PDE11A: variants seen among roughly 807,000 people sequenced by gnomAD.
The protein encoded by PDE11A is phosphodiesterase 11A.
Under a neutral mutation model 100.5 loss-of-function variants are expected in PDE11A, and 100 were observed. The observed-to-expected ratio is 1.00, with a 90% CI of 0.85 to 1.18. PDE11A has a LOEUF of 1.18. PDE11A is among the 50% of genes most tolerant of loss of function. PDE11A has a pLI of 0.00. For missense variants in PDE11A, 1,141 were observed against 1,152.6 expected (o/e 0.99, Z 0.15); for synonymous variants, 381 against 420.8 (o/e 0.91, Z 1.16).
At chr2:177,656,226 T>C (rs1170349875) in intron 19 of PDE11A, among the ~76,000 whole-genome samples, 1 of 152,208 alleles carries the variant, frequency 6.6e-6, no homozygotes, top group Non-Finnish European at 1.5e-5. Context: ...CCCCATAAGA[T>C]TATAATATCA....
chr2:177,665,856 C>CAAAAAAAA (rs3056853), intron 18 of PDE11A, among the ~76,000 whole-genome samples: 1 of 137,308 alleles, frequency 7.3e-6, no homozygotes, highest in African/African-American at 2.7e-5. Context: ...GACTCCATCT[C>CAAAAAAAA]AAAAAAAAAA....
intron 2 of PDE11A, among the ~76,000 whole-genome samples, chr2:177,911,530 C>T (rs1011554765): frequency 1.6e-4 from 25 of 152,062 alleles, no homozygotes; most frequent in African/African-American, 4.8e-4. Context: ...ACCAGTGTTC[C>T]GCCCTTTTCA....
chr2:177,947,357 G>A (rs188698371), intron 2 of PDE11A, among the ~76,000 whole-genome samples: 6 of 150,756 alleles, frequency 4.0e-5, no homozygotes, highest in African/African-American at 1.5e-4. Context: ...TTGAGAAATC[G>A]GATGGTTGCC....
chr2:177,802,267 C>T (rs1275870309), intron 9 of PDE11A, among the ~76,000 whole-genome samples: 2 of 152,004 alleles, frequency 1.3e-5, no homozygotes, highest in East Asian at 1.9e-4. Flanking sequence ...TAGAAATGTA[C>T]AATGGTATAG....
At chr2:178,006,825 G>GA (rs955912304) in intron 2 of PDE11A, among the ~76,000 whole-genome samples, 1 of 2,348 alleles carries the variant, frequency 4.3e-4, no homozygotes, top group Non-Finnish European at 8.2e-3. Context: ...TCAAAACAAG[G>GA]GGGGGGGGGG....
intron 4 of PDE11A, among the ~76,000 whole-genome samples, chr2:177,880,884 G>A (rs930506599): frequency 2.4e-4 from 37 of 152,136 alleles, no homozygotes; most frequent in African/African-American, 8.9e-4. Flanking sequence ...AATAAATAAG[G>A]TCTCTAACCT....
chr2:177,815,333 G>T (rs966348222), intron 9 of PDE11A, among the ~76,000 whole-genome samples: 2 of 152,064 alleles, frequency 1.3e-5, no homozygotes, highest in African/African-American at 4.8e-5. Flanking sequence ...CACAATTGAG[G>T]TAAGTGACAG....
At chr2:177,651,586 C>A (rs2080309660) in intron 19 of PDE11A, among the ~76,000 whole-genome samples, 1 of 151,950 alleles carries the variant, frequency 6.6e-6, no homozygotes, top group South Asian at 2.1e-4. Flanking sequence ...TAGAAAAACA[C>A]TCAGCCCTTA....
At chr2:177,814,610 C>T (rs1343691136) in intron 9 of PDE11A, among the ~76,000 whole-genome samples, 6 of 152,142 alleles carry the variant, frequency 3.9e-5, no homozygotes, top group Non-Finnish European at 7.3e-5. Flanking sequence ...GAAGTCAATG[C>T]CTATAAGTCA....
chr2:177,764,908 T>C (rs1385234896), intron 10 of PDE11A, among the ~76,000 whole-genome samples: 13 of 152,264 alleles, frequency 8.5e-5, no homozygotes, highest in Non-Finnish European at 1.9e-4. Context: ...TTCTGTGATC[T>C]TTTTGTGTAT....
At chr2:178,014,515 G>C in intron 1 of PDE11A, 55 bp from the exon 2 acceptor site, 1 of 1,417,420 alleles carries the variant, frequency 7.1e-7, no homozygotes, top group Non-Finnish European at 9.9e-7. Context: ...TCAGGGAGAA[G>C]GAGAGAGAGG....
intron 6 of PDE11A, among the ~76,000 whole-genome samples, chr2:177,821,629 A>G (rs113606435): frequency 7.9e-5 from 12 of 151,842 alleles, no homozygotes; most frequent in African/African-American, 2.9e-4. Context: ...CCAACATTTG[A>G]TGTTGTCAGG....
At chr2:177,762,127 G>T (rs1157840850) in intron 10 of PDE11A, among the ~76,000 whole-genome samples, 1 of 152,144 alleles carries the variant, frequency 6.6e-6, no homozygotes, top group Non-Finnish European at 1.5e-5. Flanking sequence ...TGTTTGGAAG[G>T]CAGAATGGAC....
intron 19 of PDE11A, among the ~76,000 whole-genome samples, chr2:177,639,910 T>C (rs1440362180): frequency 2.0e-5 from 3 of 152,200 alleles, no homozygotes; most frequent in Non-Finnish European, 4.4e-5. Context: ...ACCAGATTAG[T>C]GTTTGAACCT....
chr2:177,791,388 C>T (rs1448228112), intron 9 of PDE11A, among the ~76,000 whole-genome samples: 1 of 91,172 alleles, frequency 1.1e-5, no homozygotes, highest in Non-Finnish European at 2.0e-5. Context: ...GGACTGTTGT[C>T]GGGTGGGGGG....
chr2:177,750,821 C>T (rs1253015765), intron 10 of PDE11A, among the ~76,000 whole-genome samples: 1 of 152,184 alleles, frequency 6.6e-6, no homozygotes, highest in Non-Finnish European at 1.5e-5. Flanking sequence ...TGTGGTACAT[C>T]TATTAATATT....
chr2:177,845,523 C>T (rs951441679), intron 5 of PDE11A, among the ~76,000 whole-genome samples: 4 of 151,430 alleles, frequency 2.6e-5, no homozygotes, highest in Non-Finnish European at 4.4e-5. Flanking sequence ...GGCGGCCGGG[C>T]GGAGACGCTC....
At chr2:177,706,044 T>C (rs1389996216) in intron 13 of PDE11A, among the ~76,000 whole-genome samples, 2 of 152,216 alleles carry the variant, frequency 1.3e-5, no homozygotes, top group Non-Finnish European at 2.9e-5. Context: ...CACTGTGGTA[T>C]TGCTGCCCTC....
chr2:177,941,610 C>T (rs1439743281), intron 2 of PDE11A, among the ~76,000 whole-genome samples: 3 of 152,166 alleles, frequency 2.0e-5, no homozygotes, highest in South Asian at 2.1e-4. Flanking sequence ...TCCAGGCAAA[C>T]GGGGTTCTGG....
Sources: allele counts gnomAD v4.1 joint callset (sites outside exome capture counted in the v4.1 genomes callset), GRCh38; gene constraint gnomAD v4.1.1; transcripts MANE v1.5; gene names NCBI Gene and HGNC (gene_info 2026-07-23, HGNC 2026-07-21).